CDC20: variants seen among roughly 807,000 people sequenced by gnomAD.
CDC20 encodes cell division cycle 20.
CDC20 carries 34 observed loss-of-function variants against 60.0 expected under a neutral mutation model. The observed-to-expected ratio is 0.57, with a 90% confidence interval of 0.43 to 0.75. CDC20 has a LOEUF of 0.75. Ranked by LOEUF, CDC20 falls within the 30% of genes least tolerant of loss-of-function variation. The pLI is 0.00. For missense variants in CDC20, 469 were observed against 647.3 expected, an observed-to-expected ratio of 0.72 and a Z score of 2.99; for synonymous variants, 198 against 243.5, an observed-to-expected ratio of 0.81 and a Z score of 1.74.
At position 43,360,825 on chromosome 1, in the gene CDC20, G is replaced by A; in HGVS notation, c.941G>A (p.Gly314Glu). 1.2e-6 allele frequency: 2 copies of A among 1,614,128 alleles called. No individual in the cohort carries two copies. The highest frequency in any genetic ancestry group is 1.7e-6 in the Non-Finnish European group (2 of 1,179,974). ...TLSGHSQEVCGLRWAPDGRHL... is the reference protein window; with the variant it reads ...TLSGHSQEVCELRWAPDGRHL... ...AGTGGCCACAGCCAGGAAGTGTGTG[G>A]GCTGCGCTGGGCCCCAGATGGACGA... Residue 314 changes from glycine (G) to glutamate (E), a missense_variant, in exon 8 of 11, where the codon GGG becomes GAG. This residue lies in a region of CDC20 where 255 missense variants were observed against 326.7 expected (regional missense o/e 0.78). Transcript: ENST00000310955.
chr1:43,360,095 A>AT lies in CDC20; in HGVS notation c.556dup (p.Tyr186LeufsTer30). The AT allele has an allele frequency of 6.2e-7, 1 of 1,614,194 alleles. No individual in the cohort carries two copies. Among genetic ancestry groups the AT allele is most frequent in the Non-Finnish European group, 8.5e-7 (1 of 1,180,046 alleles). On this transcript the variant is annotated frameshift_variant and splice_region_variant, in exon 5 of 11. Transcript: ENST00000310955. LOFTEE classifies it high-confidence loss of function. ...GATGCGCCTGAAATCCGAAATGACT[A>AT]TTGTAAGTGCATCCTTATCCTCGCC...
chr1:43,360,146 G>A lies in CDC20; in HGVS notation c.557-47G>A, dbSNP rs776320207. 4.3e-6 allele frequency: 7 copies of A among 1,613,932 alleles called. No homozygotes were observed. The East Asian group carries it at 1.1e-4, about 26-fold the overall frequency. On this transcript the variant is annotated intron_variant, in intron 5 of 10. Transcript: ENST00000310955. Reference sequence around the variant, plus strand: ...TCATGCATGGAGAAAGAGGGCCTGGGACCACACAAACAAGGAAGCTCATGC... The same window carrying A: ...TCATGCATGGAGAAAGAGGGCCTGGAACCACACAAACAAGGAAGCTCATGC...
chr1:43,361,311 T>C (rs895525736), intron 9 of CDC20, 66 bp downstream of exon 9: 1 of 1,444,136 alleles, frequency 6.9e-7, no homozygotes, highest in African/African-American at 1.4e-5. Flanking sequence ...TTCACTCCAA[T>C]GGCTTCACCA....
rs1327677010 is a variant in CDC20 at position 43,360,357 on chromosome 1, T to C, written c.721T>C (p.Leu241=). The change falls in exon 6 of 11, where the codon TTG becomes CTG. Residue 241 remains leucine, a synonymous_variant. Transcript: ENST00000310955. ...SVAWIKEGNY[L]AVGTSSAEVQ... is the part of the protein sequence containing the mutation. ...GGCCTGGATCAAAGAGGGCAACTAC[T>C]TGGCTGTGGGCACCAGCAGTGCTGA... is the stretch of plus-strand genomic sequence containing the variant. 4 of 1,614,114 alleles carry C rather than the reference T, an allele frequency of 2.5e-6. No individual in the cohort carries two copies. The African/African-American group carries it at 4.0e-5, about 16-fold the overall frequency.
intron 4 of CDC20, 38 bp downstream of exon 4, chr1:43,359,859 C>T: frequency 6.2e-7 from 1 of 1,606,186 alleles, no homozygotes; most frequent in Non-Finnish European, 8.5e-7. Context: ...AGGGAGGTGT[C>T]AGTTCATCTC....
intron 6 of CDC20, 30 bp from the exon 7 acceptor site, chr1:43,360,469 T>G (rs761162538): frequency 1.9e-6 from 3 of 1,610,710 alleles, no homozygotes; most frequent in Non-Finnish European, 2.5e-6. Context: ...CAAGTCCCAA[T>G]CTCTGATCCT....
Position 43,359,250 on chromosome 1 carries a change from C to A in CDC20, c.35C>A (p.Ser12Ter). Residue 12 changes from serine (S) to a stop codon, truncating the protein, a stop_gained, in exon 2 of 11, where the codon TCG becomes TAG. Transcript: ENST00000310955. LOFTEE classifies it high-confidence loss of function. ...TTCGCGTTCGAGAGTGACCTGCACT[C>A]GCTGCTTCAGCTGGATGCACCCATC... ...AQFAFESDLH[S>*]LLQLDAPIPN... 1.2e-6 allele frequency: 2 copies of A among 1,611,772 alleles called. No homozygotes were observed. Among genetic ancestry groups the A allele is most frequent in the Non-Finnish European group, 1.7e-6 (2 of 1,179,928 alleles).
Position 43,362,989 on chromosome 1 carries a change from G to T in CDC20, c.1360G>T (p.Asp454Tyr). The change falls in exon 11 of 11, where the codon GAT becomes TAT. Residue 454 changes from aspartate to tyrosine, a missense_variant. Coordinates refer to ENST00000310955, the MANE Select transcript of CDC20 (RefSeq NM_001255.3). ...SRVLSLTMSP[D>Y]GATVASAAAD... ...GGTCCTGAGTCTGACCATGAGCCCAGATGGGGCCACAGTGGCATCCGCAGC... is the reference window on the plus strand; with the variant it reads ...GGTCCTGAGTCTGACCATGAGCCCATATGGGGCCACAGTGGCATCCGCAGC... 4 of 1,610,466 alleles carry T rather than the reference G, an allele frequency of 2.5e-6. No homozygotes were observed. The highest frequency in any genetic ancestry group is 3.4e-6 in the Non-Finnish European group (4 of 1,178,994).
At chr1:43,359,116 G>T (rs1647156552) in intron 1 of CDC20, 51 bp from the exon 2 acceptor site, 7 of 1,275,368 alleles carry the variant, frequency 5.5e-6, no homozygotes, top group Non-Finnish European at 7.9e-6. Flanking sequence ...CCGGCCAGGA[G>T]CGAAGGGGTC....
chr1:43,359,126 C>CCGG, intron 1 of CDC20, 41 bp from the exon 2 acceptor site: 1 of 1,353,068 alleles, frequency 7.4e-7, no homozygotes, highest in East Asian at 2.3e-5. Flanking sequence ...GCGAAGGGGT[C>CCGG]CCTTTCTGTC....
At chr1:43,360,445 G>A in intron 6 of CDC20, 54 bp from the exon 7 acceptor site, 93 of 1,608,746 alleles carry the variant, frequency 5.8e-5, no homozygotes, top group Non-Finnish European at 7.7e-5. Context: ...TGCACAGCTG[G>A]AGGATATTAA....
Position 43,359,254 on chromosome 1 carries a change from G to T in CDC20, c.39G>T (p.Leu13=). 1 of 1,611,794 alleles carries T rather than the reference G, an allele frequency of 6.2e-7. No individual in the cohort carries two copies. The highest frequency in any genetic ancestry group is 8.5e-7 in the Non-Finnish European group (1 of 1,179,932). ...CGTTCGAGAGTGACCTGCACTCGCTGCTTCAGCTGGATGCACCCATCCCCA... is the reference window on the plus strand; with the variant it reads ...CGTTCGAGAGTGACCTGCACTCGCTTCTTCAGCTGGATGCACCCATCCCCA... ...QFAFESDLHS[L]LQLDAPIPNA... is the part of the protein sequence containing the mutation. Residue 13 remains leucine, a synonymous_variant, in exon 2 of 11, where the codon CTG becomes CTT. Transcript: ENST00000310955.
In CDC20 at chr1:43,363,160, T is replaced by C; in HGVS notation, c.*31T>C. The C allele has an allele frequency of 6.3e-7, 1 of 1,589,312 alleles. No homozygotes were observed. On this transcript the variant is annotated 3_prime_UTR_variant, in exon 11 of 11. Coordinates refer to ENST00000310955, the MANE Select transcript of CDC20 (RefSeq NM_001255.3). ...AACCCATCACCTCAGTTGTTTTTTA[T>C]TTTTCTAATAAAGTCATGTCTCCCT... is the stretch of plus-strand genomic sequence containing the variant.
At position 43,360,224 on chromosome 1, in the gene CDC20, T is replaced by C. The variant is rs1647165928; in HGVS notation, c.588T>C (p.Asn196=). ...ACCTTGTGGATTGGAGTTCTGGGAA[T>C]GTACTGGCCGTGGCACTGGACAACA... The part of the protein sequence containing the change: ...YLNLVDWSSG[N]VLAVALDNSV... The change falls in exon 6 of 11, where the codon AAT becomes AAC. Residue 196 remains asparagine, a synonymous_variant. Transcript: ENST00000310955. The C allele has an allele frequency of 6.2e-7, 1 of 1,614,098 alleles. No individual in the cohort carries two copies. The highest frequency in any genetic ancestry group is 8.5e-7 in the Non-Finnish European group (1 of 1,180,046).
rs772009689 is a variant in CDC20 at position 43,359,781 on chromosome 1, G to A, written c.387G>A (p.Lys129=). The A allele has an allele frequency of 9.9e-6, 16 of 1,613,830 alleles. No homozygotes were observed. The highest frequency in any genetic ancestry group is 1.7e-5 in the Admixed American group (1 of 60,012). ...ACGGTTTTGATGTAGAGGAAGCCAAGATCCTTCGGCTCAGTGGAAAACCAC... is the reference window on the plus strand; with the variant it reads ...ACGGTTTTGATGTAGAGGAAGCCAAAATCCTTCGGCTCAGTGGAAAACCAC... ...NLNGFDVEEA[K]ILRLSGKPQN... is the part of the protein sequence containing the mutation. The change falls in exon 4 of 11, where the codon AAG becomes AAA. Residue 129 remains lysine, a synonymous_variant. Coordinates refer to ENST00000310955, the MANE Select transcript of CDC20 (RefSeq NM_001255.3).
rs1647169684 is a variant in CDC20, at chr1:43,360,873, A to G, written c.989A>G (p.Asp330Gly). The change falls in exon 8 of 11, where the codon GAT becomes GGT. Residue 330 changes from aspartate (D) to glycine (G), a missense_variant. Asp to Gly is a moderately conservative substitution (Grantham distance 94, BLOSUM62 -1). Around this residue, in one of 5 missense-constraint regions of CDC20, gnomAD observed 255 missense variants for 326.7 expected, o/e 0.78. Coordinates refer to ENST00000310955, the MANE Select transcript of CDC20 (RefSeq NM_001255.3). ...DGRHLASGGN[D>G]NLVNVWPSAP... ...CGACATTTGGCCAGTGGTGGTAATG[A>G]TAACTTGGTCAATGTGTGGCCTAGT... is the stretch of plus-strand genomic sequence containing the variant. 1 of 1,614,162 alleles carries G rather than the reference A, an allele frequency of 6.2e-7. No individual in the cohort carries two copies. Among genetic ancestry groups the G allele is most frequent in the Non-Finnish European group, 8.5e-7 (1 of 1,180,014 alleles).
intron 8 of CDC20, 59 bp from the exon 9 acceptor site, chr1:43,361,061 A>G (rs1570482481): frequency 6.2e-7 from 1 of 1,609,992 alleles, no homozygotes; most frequent in Non-Finnish European, 8.5e-7. Context: ...TTAATCTGTG[A>G]CCCCTAGAGC....
In CDC20 at chr1:43,359,221, A is replaced by G; in HGVS notation, c.6A>G (p.Ala2=). M[A]QFAFESDLHS... ...CTCCCCCTGCGGGCGCTCCCATGGC[A>G]CAGTTCGCGTTCGAGAGTGACCTGC... is the stretch of plus-strand genomic sequence containing the variant. The change falls in exon 2 of 11, where the codon GCA becomes GCG. Residue 2 remains alanine, a synonymous_variant. Coordinates refer to ENST00000310955, the MANE Select transcript of CDC20 (RefSeq NM_001255.3). 6.2e-7 allele frequency: 1 copy of G among 1,611,502 alleles called. No individual in the cohort carries two copies.
In CDC20 at chr1:43,359,191, G is replaced by T. The variant is rs767900905; in HGVS notation, c.-25G>T. 1.2e-6 allele frequency: 2 copies of T among 1,611,218 alleles called. No individual in the cohort carries two copies. Among genetic ancestry groups the T allele is most frequent in the South Asian group, 2.2e-5 (2 of 90,992 alleles). ...GGGCTCCGTAGGCACCAACTGCAAG[G>T]ACCCCTCCCCCTGCGGGCGCTCCCA... On this transcript the variant is annotated 5_prime_UTR_variant, in exon 2 of 11. Transcript: ENST00000310955.
Sources: gnomAD v4.1 joint callset for allele counts on GRCh38, gnomAD v4.1.1 for gene constraint, gnomAD v4.1.1 regional missense constraint, MANE v1.5 for transcripts, NCBI Gene and HGNC (gene_info 2026-07-23, HGNC 2026-07-21) for gene names.